GALNT15: variants seen among roughly 807,000 people sequenced by gnomAD.
GALNT15 encodes the protein polypeptide N-acetylgalactosaminyltransferase 15.
Under a neutral mutation model 66.8 loss-of-function variants are expected in GALNT15, and 67 were observed. That is an observed-to-expected ratio of 1.00 (90% CI 0.82 to 1.23). The LOEUF (loss-of-function observed/expected upper bound fraction) is 1.23. Ranked by LOEUF, GALNT15 falls within the 50% of genes most tolerant of loss-of-function variation. The pLI is 0.00. For synonymous variants in GALNT15, 313 were observed against 311.5 expected (o/e 1.00, Z -0.05); for missense variants, 827 against 804.3 (o/e 1.03, Z -0.34).
the GALNT15 span, among the ~76,000 whole-genome samples, chr3:16,238,724 G>T: frequency 1.3e-5 from 2 of 152,180 alleles, no homozygotes; most frequent in African/African-American, 4.8e-5. This position sits in a 1 kb window ranked among gnomAD's most constrained non-coding sequence, Gnocchi z 4.8. Flanking sequence ...ACATTTGATT[G>T]CCTCCCAGTA....
chr3:16,204,416 C>T lies in GALNT15; in HGVS notation c.911+3593C>T, dbSNP rs1021477522. Among the ~76,000 whole-genome samples, 9 of 152,152 alleles carry T rather than the reference C, an allele frequency of 5.9e-5. No homozygotes were observed. The highest frequency in any genetic ancestry group is 1.2e-4 in the African/African-American group (5 of 41,430). Reference sequence around the variant, plus strand: ...AGATGTTCTCTTGGGTTGCACAGTGCGCAACTCCTGTAACTGTTCATAGCA... The same window carrying T: ...AGATGTTCTCTTGGGTTGCACAGTGTGCAACTCCTGTAACTGTTCATAGCA... On this transcript the variant is annotated intron_variant, in intron 3 of 9. Transcript: ENST00000339732. This position sits in a 1 kb window ranked among gnomAD's most constrained non-coding sequence, Gnocchi z 4.5.
At position 16,175,942 on chromosome 3, in the gene GALNT15, A is replaced by G. The variant is rs1271080828; in HGVS notation, c.539+252A>G. Among the ~76,000 whole-genome samples, 1 of 152,228 alleles carries G rather than the reference A, an allele frequency of 6.6e-6. No homozygotes were observed. The highest frequency in any genetic ancestry group is 6.5e-5 in the Admixed American group (1 of 15,284). On this transcript the variant is annotated intron_variant, in intron 1 of 9. Coordinates refer to ENST00000339732, the MANE Select transcript of GALNT15 (RefSeq NM_054110.5). This position sits in a 1 kb window ranked among gnomAD's most constrained non-coding sequence, Gnocchi z 5.6. ...TGGGGTCCAGTGGTCTGTATGAACA[A>G]GCCCTTCAGGTGAGAATCATTGTCC...
Position 16,176,617 on chromosome 3 carries a change from T to C in GALNT15, c.539+927T>C, listed in dbSNP as rs1474546944. On this transcript the variant is annotated intron_variant, in intron 1 of 9. Coordinates refer to ENST00000339732, the MANE Select transcript of GALNT15 (RefSeq NM_054110.5). This position sits in a 1 kb window ranked among gnomAD's most constrained non-coding sequence, Gnocchi z 5.6. Reference sequence around the variant, plus strand: ...CTCCACACCCCCTGCTCCCTTACTGTCACCATGGCTGACCACTGAGGAGGG... The same window carrying C: ...CTCCACACCCCCTGCTCCCTTACTGCCACCATGGCTGACCACTGAGGAGGG... Among the ~76,000 whole-genome samples the C allele has an allele frequency of 6.6e-6, 1 of 152,204 alleles. No homozygotes were observed. Among genetic ancestry groups the C allele is most frequent in the African/African-American group, 2.4e-5 (1 of 41,438 alleles).
At position 16,175,943 on chromosome 3, in the gene GALNT15, G is replaced by GC. The variant is rs553715391; in HGVS notation, c.539+256dup. ...GGGGTCCAGTGGTCTGTATGAACAA[G>GC]CCCTTCAGGTGAGAATCATTGTCCT... On this transcript the variant is annotated intron_variant, in intron 1 of 9. Transcript: ENST00000339732. This position sits in a 1 kb window ranked among gnomAD's most constrained non-coding sequence, Gnocchi z 5.6. 6.6e-6 allele frequency among the ~76,000 whole-genome samples: 1 copy of GC among 152,198 alleles called. No individual in the cohort carries two copies. The highest frequency in any genetic ancestry group is 1.5e-5 in the Non-Finnish European group (1 of 68,024).
rs2063593140 is a variant in GALNT15 at position 16,192,807 on chromosome 3, A to G, written c.540-2953A>G. Among the ~76,000 whole-genome samples the G allele has an allele frequency of 4.6e-5, 7 of 152,250 alleles. No homozygotes were observed. In the South Asian group the frequency reaches 1.2e-3, roughly 27 times the overall value. On this transcript the variant is annotated intron_variant, in intron 1 of 9. Transcript: ENST00000339732. ...ATTTGAGCAGCCCTGAACTCAGACT[A>G]TAAAAGTTCATATAAAGTTCATTAT...
At chr3:16,210,750 C>T (rs960676961) in intron 4 of GALNT15, among the ~76,000 whole-genome samples, 7 of 152,222 alleles carry the variant, frequency 4.6e-5, no homozygotes, top group Middle Eastern at 3.4e-3. Flanking sequence ...ACCATGTCGC[C>T]GTGTCAGGCC....
At chr3:16,218,361 T>C (rs868136256) in intron 6 of GALNT15, among the ~76,000 whole-genome samples, 1 of 152,214 alleles carries the variant, frequency 6.6e-6, no homozygotes, top group Admixed American at 6.5e-5. Context: ...TTCTCTCTTT[T>C]TTTGTCTGTG....
Position 16,181,390 on chromosome 3 carries a change from G to T in GALNT15, c.539+5700G>T, listed in dbSNP as rs1364907280. On this transcript the variant is annotated intron_variant, in intron 1 of 9. Transcript: ENST00000339732. This position sits in a 1 kb window ranked among gnomAD's most constrained non-coding sequence, Gnocchi z 5.9. ...TGGTCAATGGCTCTTCACAGCTGGT[G>T]GGGAGAGCTGGGAGGGATATCTTCT... 6.6e-6 allele frequency among the ~76,000 whole-genome samples: 1 copy of T among 152,116 alleles called. No individual in the cohort carries two copies. Among genetic ancestry groups the T allele is most frequent in the Non-Finnish European group, 1.5e-5 (1 of 68,034 alleles).
At chr3:16,216,315 T>A (rs567238637) in intron 6 of GALNT15, among the ~76,000 whole-genome samples, 1 of 151,518 alleles carries the variant, frequency 6.6e-6, no homozygotes, top group Non-Finnish European at 1.5e-5. Context: ...CTGGGCAACA[T>A]GGTGAAACCT....
chr3:16,200,087 C>T lies in GALNT15; in HGVS notation c.707-532C>T, dbSNP rs549791818. Among the ~76,000 whole-genome samples the T allele has an allele frequency of 6.6e-6, 1 of 151,920 alleles. No homozygotes were observed. Among genetic ancestry groups the T allele is most frequent in the East Asian group, 1.9e-4 (1 of 5,168 alleles). ...CTTACAATCATGGTGGAAGGGGAAG[C>T]ATGTCTTACATGGCAGCAAGTGAGA... is the stretch of plus-strand genomic sequence containing the variant. On this transcript the variant is annotated intron_variant, in intron 2 of 9. Coordinates refer to ENST00000339732, the MANE Select transcript of GALNT15 (RefSeq NM_054110.5). The surrounding 1 kb of genome is among the most constrained non-coding windows in gnomAD (Gnocchi z 4.4).
Position 16,191,993 on chromosome 3 carries a change from AT to A in GALNT15, c.540-3765del, listed in dbSNP as rs2063584147. Among the ~76,000 whole-genome samples the A allele has an allele frequency of 6.6e-6, 1 of 152,174 alleles. No individual in the cohort carries two copies. The highest frequency in any genetic ancestry group is 2.1e-4 in the South Asian group (1 of 4,832). On this transcript the variant is annotated intron_variant, in intron 1 of 9. Transcript: ENST00000339732. The surrounding 1 kb of genome is among the most constrained non-coding windows in gnomAD (Gnocchi z 5.2). ...AACAGTCACTGTCTATTGGGTGCCT[AT>A]TATTATTCTTTGATTCTCTCAATGG...
Position 16,208,676 on chromosome 3 carries a change from TC to T in GALNT15, c.1079+10del. ...TCCCCCATAAGCCCCATCAGGTGAG[TC>T]CCCATTTCACACCTGCTTTGCCATT... On this transcript the variant is annotated splice_region_variant and intron_variant, in intron 4 of 9. Coordinates refer to ENST00000339732, the MANE Select transcript of GALNT15 (RefSeq NM_054110.5). The T allele has an allele frequency of 1.2e-6, 2 of 1,612,082 alleles. No homozygotes were observed. The highest frequency in any genetic ancestry group is 1.7e-6 in the Non-Finnish European group (2 of 1,178,760).
rs530577303 is a variant in GALNT15, at chr3:16,181,773, C to G, written c.539+6083C>G. Among the ~76,000 whole-genome samples the G allele has an allele frequency of 3.3e-5, 5 of 152,144 alleles. No individual in the cohort carries two copies. The highest frequency in any genetic ancestry group is 1.2e-4 in the African/African-American group (5 of 41,436). The stretch of plus-strand genomic sequence containing the variant: ...GGCTGGAACTTAGCTCAATTCCCCC[C>G]ACAAGAGAGGGAAGACAACCCAGTA... On this transcript the variant is annotated intron_variant, in intron 1 of 9. Transcript: ENST00000339732. This position sits in a 1 kb window ranked among gnomAD's most constrained non-coding sequence, Gnocchi z 5.9.
chr3:16,177,024 T>G (rs2063417753), intron 1 of GALNT15, among the ~76,000 whole-genome samples: 1 of 152,218 alleles, frequency 6.6e-6, no homozygotes, highest in Admixed American at 6.5e-5. Flanking sequence ...CATTCTAGTT[T>G]TGTGCCCTCC....
intron 6 of GALNT15, among the ~76,000 whole-genome samples, chr3:16,215,906 CAAA>C (rs10611187): frequency 0.55 from 55,976 of 102,104 alleles, 11,614 homozygotes; most frequent in Middle Eastern, 0.7. Context: ...GAGACTCCGC[CAAA>C]AAAAAAAAAA....
the GALNT15 span, among the ~76,000 whole-genome samples, chr3:16,240,973 A>G: frequency 6.6e-6 from 1 of 151,932 alleles, no homozygotes; most frequent in South Asian, 2.1e-4. Flanking sequence ...TGCTCTAACC[A>G]TGCTCTGTTC....
chr3:16,229,796 C>CAT lies in GALNT15; in HGVS notation c.*2296_*2297insAT, dbSNP rs2064064820. 1 of 950,874 alleles carries CAT rather than the reference C, an allele frequency of 1.1e-6. No individual in the cohort carries two copies. The highest frequency in any genetic ancestry group is 1.2e-4 in the East Asian group (1 of 8,658). 58.9% of individuals were successfully genotyped at this position (950,874 alleles called of 1,614,324 possible). A position where few individuals can be genotyped will look rare whatever the true frequency, so the allele number is the denominator to read the frequency against. ...CAAAAGGACCCAGATGGCTTATTGC[C>CAT]TAATTGGGTGAACAAAGCAAGAATA... On this transcript the variant is annotated 3_prime_UTR_variant, in exon 10 of 10. Coordinates refer to ENST00000339732, the MANE Select transcript of GALNT15 (RefSeq NM_054110.5).
rs553958356 is a variant in GALNT15 at position 16,209,067 on chromosome 3, G to T, written c.1079+397G>T. ...GTACAGTGTGAATTCCTCAGGTCTC[G>T]TCTTAGCAAATAGGAAGAATTCAAC... On this transcript the variant is annotated intron_variant, in intron 4 of 9. Transcript: ENST00000339732. This position sits in a 1 kb window ranked among gnomAD's most constrained non-coding sequence, Gnocchi z 4.1. Among the ~76,000 whole-genome samples, 2 of 152,114 alleles carry T rather than the reference G, an allele frequency of 1.3e-5. No homozygotes were observed. Among genetic ancestry groups the T allele is most frequent in the East Asian group, 3.9e-4 (2 of 5,194 alleles).
chr3:16,225,953 G>T lies in GALNT15; in HGVS notation c.1774-1401G>T, dbSNP rs1371657002. ...AATCCCAGCTACACGGGAGGCTGCAGTAGGAGAATCGCTTGAACCTGGGAG... is the reference window on the plus strand; with the variant it reads ...AATCCCAGCTACACGGGAGGCTGCATTAGGAGAATCGCTTGAACCTGGGAG... On this transcript the variant is annotated intron_variant, in intron 9 of 9. Coordinates refer to ENST00000339732, the MANE Select transcript of GALNT15 (RefSeq NM_054110.5). This position sits in a 1 kb window ranked among gnomAD's most constrained non-coding sequence, Gnocchi z 4.4. 3.3e-5 allele frequency among the ~76,000 whole-genome samples: 5 copies of T among 151,632 alleles called. No homozygotes were observed. The highest frequency in any genetic ancestry group is 1.2e-4 in the African/African-American group (5 of 41,198).
Sources: allele counts gnomAD v4.1 joint callset (sites outside exome capture counted in the v4.1 genomes callset), GRCh38; gene constraint gnomAD v4.1.1; non-coding constraint Gnocchi (gnomAD v3.1); transcripts MANE v1.5; gene names NCBI Gene and HGNC (gene_info 2026-07-23, HGNC 2026-07-21).